Variants in ATP1B3 observed in about 807,000 individuals in gnomAD.
ATP1B3 encodes the protein ATPase Na+/K+ transporting subunit beta 3, also known as sodium/potassium-transporting ATPase subunit beta-3.
A neutral mutation model predicts 30.2 loss-of-function variants in ATP1B3; 10 were observed. That is an observed-to-expected ratio of 0.33 (90% confidence interval 0.20 to 0.56). The LOEUF is 0.56. ATP1B3 is among the 20% of genes least tolerant of loss of function. The probability of loss-of-function intolerance (pLI) is 0.90; values close to 1 mark genes in which losing one functional copy is unlikely to be tolerated. For missense variants in ATP1B3, 238 were observed against 336.7 expected (o/e 0.71, Z 2.29); for synonymous variants, 113 against 117.0 (o/e 0.97, Z 0.22).
chr3:141,890,751 T>G (rs1005029873), intron 1 of ATP1B3, among the ~76,000 whole-genome samples: 3 of 151,648 alleles, frequency 2.0e-5, no homozygotes, highest in Admixed American at 2.0e-4. Flanking sequence ...TTTTGTATTT[T>G]TAGTAGAGAC....
At chr3:141,896,462 A>C (rs996919000) in intron 1 of ATP1B3, among the ~76,000 whole-genome samples, 40 of 152,306 alleles carry the variant, frequency 2.6e-4, no homozygotes, top group African/African-American at 8.9e-4. Flanking sequence ...TTGAGGCTGC[A>C]GGGAGCTATG....
chr3:141,884,890 A>G (rs1933799373), intron 1 of ATP1B3, among the ~76,000 whole-genome samples: 1 of 152,126 alleles, frequency 6.6e-6, no homozygotes, highest in Non-Finnish European at 1.5e-5. Context: ...TGGCAATGTC[A>G]TATAACAACT....
intron 1 of ATP1B3, 52 bp from the exon 2 acceptor site, chr3:141,903,568 A>G (rs1337487445): frequency 2.5e-6 from 4 of 1,605,352 alleles, no homozygotes; most frequent in Non-Finnish European, 2.6e-6. Flanking sequence ...CCAAACATGC[A>G]TACACACACA....
intron 2 of ATP1B3, among the ~76,000 whole-genome samples, chr3:141,904,110 A>G (rs1559870048): frequency 1.3e-5 from 2 of 152,336 alleles, no homozygotes; most frequent in South Asian, 2.1e-4. Context: ...AACAAAATTG[A>G]GTTATAGTTT....
intron 3 of ATP1B3, among the ~76,000 whole-genome samples, chr3:141,913,174 T>C (rs1391792973): frequency 6.6e-6 from 1 of 152,046 alleles, no homozygotes; most frequent in Non-Finnish European, 1.5e-5. Context: ...AACTCCCACA[T>C]ACCCTTCTGC....
chr3:141,905,977 A>T (rs2107773677), intron 2 of ATP1B3, among the ~76,000 whole-genome samples: 1 of 151,996 alleles, frequency 6.6e-6, no homozygotes, highest in Non-Finnish European at 1.5e-5. Flanking sequence ...TACATATGGG[A>T]CATATTAAAC....
At chr3:141,898,757 C>A (rs1214587751) in intron 1 of ATP1B3, among the ~76,000 whole-genome samples, 3 of 152,108 alleles carry the variant, frequency 2.0e-5, no homozygotes, top group Non-Finnish European at 4.4e-5. Context: ...GAAATGAAAC[C>A]ATTTATTTAT....
intron 6 of ATP1B3, 21 bp from the exon 7 acceptor site, chr3:141,925,510 A>G: frequency 1.3e-6 from 2 of 1,581,388 alleles, no homozygotes; most frequent in East Asian, 2.2e-5. Flanking sequence ...TTGAATTAAT[A>G]TATTTTCCTT....
intron 1 of ATP1B3, among the ~76,000 whole-genome samples, chr3:141,898,172 C>A (rs1934103630): frequency 6.6e-6 from 1 of 152,276 alleles, no homozygotes; most frequent in Non-Finnish European, 1.5e-5. Flanking sequence ...AACATAGATG[C>A]AAGTCTTTAT....
At position 141,903,617 on chromosome 3, in the gene ATP1B3, C is replaced by G. The variant is rs1181300053; in HGVS notation, c.110-3C>G. On this transcript the variant is annotated splice_polypyrimidine_tract_variant and splice_region_variant and intron_variant, in intron 1 of 6. Transcript: ENST00000286371. Reference sequence around the variant, plus strand: ...ATTTCATAAGTTTTATTTTCTTTTACAGGTTTGATCTTGCTCTTCTACCTA... The same window carrying G: ...ATTTCATAAGTTTTATTTTCTTTTAGAGGTTTGATCTTGCTCTTCTACCTA... 1 of 1,613,386 alleles carries G rather than the reference C, an allele frequency of 6.2e-7. No individual in the cohort carries two copies. Among genetic ancestry groups the G allele is most frequent in the Non-Finnish European group, 8.5e-7 (1 of 1,179,580 alleles).
intron 6 of ATP1B3, 80 bp from the exon 7 acceptor site, chr3:141,925,451 C>T (rs1934641759): frequency 6.8e-7 from 1 of 1,462,772 alleles, no homozygotes; most frequent in Non-Finnish European, 9.2e-7. Flanking sequence ...AGAAAATTTA[C>T]AGAATAAGCC....
Position 141,890,086 on chromosome 3 carries a change from C to CTTT in ATP1B3, c.109+13196_109+13198dup, listed in dbSNP as rs1245235657. On this transcript the variant is annotated intron_variant, in intron 1 of 6. Transcript: ENST00000286371. Reference sequence around the variant, plus strand: ...AAATGCCTGTAATCTAATTTTTTTTCTTTTTTTTTTTTTTTTTTTTTTGAG... The same window carrying CTTT: ...AAATGCCTGTAATCTAATTTTTTTTCTTTTTTTTTTTTTTTTTTTTTTTTTGAG... 1.5e-3 allele frequency among the ~76,000 whole-genome samples: 164 copies of CTTT among 107,498 alleles called. 9 individuals carry two copies. Among genetic ancestry groups the CTTT allele is most frequent in the African/African-American group, 5.2e-3 (140 of 26,698 alleles). 70.5% of individuals were successfully genotyped at this position (107,498 alleles called of 152,430 possible). A position where few individuals can be genotyped will look rare whatever the true frequency, so the allele number is the denominator to read the frequency against.
intron 1 of ATP1B3, among the ~76,000 whole-genome samples, chr3:141,885,971 T>C (rs1290958837): frequency 6.6e-6 from 1 of 151,692 alleles, no homozygotes; most frequent in African/African-American, 2.4e-5. Flanking sequence ...TAACTACTGG[T>C]GCATCTCCAG....
At chr3:141,884,630 T>C (rs1332345392) in intron 1 of ATP1B3, among the ~76,000 whole-genome samples, 1 of 152,158 alleles carries the variant, frequency 6.6e-6, no homozygotes, top group African/African-American at 2.4e-5. Flanking sequence ...CCAGCAAATA[T>C]AAAGCTGGCA....
At chr3:141,917,924 C>T (rs771023985) in intron 5 of ATP1B3, among the ~76,000 whole-genome samples, 55 of 151,932 alleles carry the variant, frequency 3.6e-4, no homozygotes, top group Non-Finnish European at 3.1e-4. Flanking sequence ...ACCGCCACCA[C>T]GCCCGGCTAA....
intron 5 of ATP1B3, chr3:141,916,400 G>C: frequency 2.0e-6 from 1 of 494,064 alleles, no homozygotes; most frequent in Non-Finnish European, 3.8e-6. Flanking sequence ...AGTCATCAGT[G>C]CTATCTGAGA....
Position 141,903,682 on chromosome 3 carries a change from A to T in ATP1B3, c.172A>T (p.Met58Leu), listed in dbSNP as rs1435319037. 2 of 1,613,892 alleles carry T rather than the reference A, an allele frequency of 1.2e-6. No homozygotes were observed. Among genetic ancestry groups the T allele is most frequent in the Non-Finnish European group, 1.7e-6 (2 of 1,179,954 alleles). ...CCTGGCTGCACTCTTCTCATTCACG[A>T]TGTGGGTTATGCTTCAGACTCTCAA... Reference protein sequence around the residue: ...GFLAALFSFTMWVMLQTLNDE... With the variant: ...GFLAALFSFTLWVMLQTLNDE... Residue 58 changes from methionine (M) to leucine (L), a missense_variant, in exon 2 of 7, where the codon ATG becomes TTG. By Grantham distance (15) the Met-to-Leu change is conservative. Coordinates refer to ENST00000286371, the MANE Select transcript of ATP1B3 (RefSeq NM_001679.4).
chr3:141,924,056 C>T (rs146276254), intron 6 of ATP1B3, among the ~76,000 whole-genome samples: 4 of 152,238 alleles, frequency 2.6e-5, no homozygotes, highest in East Asian at 3.9e-4. Flanking sequence ...TTAAAAAGCT[C>T]GTTACTGCCT....
At chr3:141,878,192 C>T (rs1366732055) in intron 1 of ATP1B3, among the ~76,000 whole-genome samples, 1 of 152,140 alleles carries the variant, frequency 6.6e-6, no homozygotes, top group East Asian at 1.9e-4. Context: ...TTACATATGC[C>T]ACAAAGCCAA....
Sources: gnomAD v4.1 joint callset for allele counts (sites outside exome capture counted in the v4.1 genomes callset) on GRCh38, gnomAD v4.1.1 for gene constraint, MANE v1.5 for transcripts, NCBI Gene and HGNC (gene_info 2026-07-23, HGNC 2026-07-21) for gene names.